The following SLC14A2 variants were observed in gnomAD, a reference collection of about 807,000 sequenced individuals.
SLC14A2 encodes the protein urea transporter 2.
SLC14A2 carries 91 observed loss-of-function variants against 104.6 expected under a neutral mutation model. That is an observed-to-expected ratio of 0.87 (90% confidence interval 0.73 to 1.04). The LOEUF is 1.04. SLC14A2 is among the 50% of genes least tolerant of loss of function. The probability of loss-of-function intolerance (pLI) is 0.00; values close to 1 mark genes in which losing one functional copy is unlikely to be tolerated. For synonymous variants in SLC14A2, 476 were observed against 466.4 expected (o/e 1.02, Z -0.27); for missense variants, 1,189 against 1,156.0 (o/e 1.03, Z -0.41).
intron 1 of SLC14A2, among the ~76,000 whole-genome samples, chr18:45,259,676 G>A (rs1405811027): frequency 6.6e-6 from 1 of 152,112 alleles, no homozygotes; most frequent in African/African-American, 2.4e-5. Flanking sequence ...GGCACTGAAG[G>A]AGCACTGCAC....
chr18:45,405,594 C>T (rs932669661), intron 1 of SLC14A2, among the ~76,000 whole-genome samples: 1 of 152,138 alleles, frequency 6.6e-6, no homozygotes, highest in African/African-American at 2.4e-5. Flanking sequence ...TTTAAAAATA[C>T]TTTATTGCTA....
intron 2 of SLC14A2, among the ~76,000 whole-genome samples, chr18:45,542,042 T>G (rs952479674): frequency 1.9e-5 from 2 of 105,768 alleles, no homozygotes; most frequent in South Asian, 3.5e-4. Flanking sequence ...AGGGTTTTTT[T>G]TTTTTTTTTT....
rs376045920 is a variant in SLC14A2, at chr18:45,682,503, C to A, written c.2747C>A (p.Ala916Asp). 57 of 1,613,732 alleles carry A rather than the reference C, an allele frequency of 3.5e-5. No individual in the cohort carries two copies. Among genetic ancestry groups the A allele is most frequent in the Non-Finnish European group, 4.4e-5 (52 of 1,179,732 alleles). Reference sequence around the variant, plus strand: ...GCATCAATCATAACAAAGTATCAGGCCTACGATGTCTCCTAAGTTTCCCTG... The same window carrying A: ...GCATCAATCATAACAAAGTATCAGGACTACGATGTCTCCTAAGTTTCCCTG... ...RRASIITKYQ[A>D]YDVS The change falls in exon 20 of 20, where the codon GCC becomes GAC. Residue 916 changes from alanine to aspartate, a missense_variant. By Grantham distance (126) the Ala-to-Asp change is moderately radical. Coordinates refer to ENST00000255226, the MANE Select transcript of SLC14A2 (RefSeq NM_007163.4).
At chr18:45,201,647 T>C in the SLC14A2 span, among the ~76,000 whole-genome samples, 1 of 152,012 alleles carries the variant, frequency 6.6e-6, no homozygotes, top group Non-Finnish European at 1.5e-5. Context: ...TGTTTCAGCC[T>C]TAGAATCAGC....
At chr18:45,624,939 A>T in intron 2 of SLC14A2, 125 bp downstream of exon 2, 1 of 932,750 alleles carries the variant, frequency 1.1e-6, no homozygotes, top group Non-Finnish European at 1.6e-6. Flanking sequence ...CTGTCAGTAC[A>T]TGGTGACACC....
chr18:45,653,035 T>C (rs1411214081), intron 10 of SLC14A2, among the ~76,000 whole-genome samples: 1 of 151,706 alleles, frequency 6.6e-6, no homozygotes, highest in Non-Finnish European at 1.5e-5. Context: ...TCTCAAGAAG[T>C]TCAGGAGCCC....
intron 4 of SLC14A2, 49 bp downstream of exon 4, chr18:45,627,196 T>C (rs1555715228): frequency 1.3e-6 from 2 of 1,536,552 alleles, no homozygotes; most frequent in Admixed American, 3.4e-5. Context: ...GAACAGAAAG[T>C]AGAGAGGTGT....
At chr18:45,321,247 C>G (rs189518761) in intron 1 of SLC14A2, among the ~76,000 whole-genome samples, 2 of 152,162 alleles carry the variant, frequency 1.3e-5, no homozygotes, top group African/African-American at 4.8e-5. Context: ...AAGATTACTA[C>G]GGGATTATTA....
At chr18:45,586,874 A>G (rs1193903733) in intron 2 of SLC14A2, among the ~76,000 whole-genome samples, 1 of 152,200 alleles carries the variant, frequency 6.6e-6, no homozygotes, top group Non-Finnish European at 1.5e-5. Flanking sequence ...CAGTGGAGAT[A>G]AAATGCCAAC....
chr18:45,453,436 G>A (rs965055018), intron 1 of SLC14A2, among the ~76,000 whole-genome samples: 2 of 152,078 alleles, frequency 1.3e-5, no homozygotes, highest in Non-Finnish European at 2.9e-5. Flanking sequence ...AAAAATTAAT[G>A]TCAAAAATTT....
intron 1 of SLC14A2, among the ~76,000 whole-genome samples, chr18:45,304,630 A>T (rs1477850552): frequency 6.6e-6 from 1 of 152,232 alleles, no homozygotes; most frequent in African/African-American, 2.4e-5. Context: ...TTGGGAAGGG[A>T]GTGATCATTC....
intron 1 of SLC14A2, among the ~76,000 whole-genome samples, chr18:45,329,487 T>G (rs545696115): frequency 3.3e-5 from 5 of 152,338 alleles, no homozygotes; most frequent in Admixed American, 2.6e-4. Flanking sequence ...AGCTTCCATT[T>G]AGAAATGTGC....
chr18:45,571,864 T>C (rs1250798899), intron 2 of SLC14A2, among the ~76,000 whole-genome samples: 1 of 150,492 alleles, frequency 6.6e-6, no homozygotes, highest in Non-Finnish European at 1.5e-5. Flanking sequence ...TATGGGTTGA[T>C]TGATAGGGTT....
At chr18:45,463,278 G>A (rs1252677340) in intron 1 of SLC14A2, among the ~76,000 whole-genome samples, 2 of 152,222 alleles carry the variant, frequency 1.3e-5, no homozygotes, top group African/African-American at 2.4e-5. Flanking sequence ...GCAGTGATAA[G>A]CTTTGTCATT....
intron 2 of SLC14A2, among the ~76,000 whole-genome samples, chr18:45,502,995 CAAG>C (rs1225976087): frequency 6.6e-6 from 1 of 151,702 alleles, no homozygotes; most frequent in Non-Finnish European, 1.5e-5. Context: ...AAATTTATCA[CAAG>C]AAGAAGGCAT....
At chr18:45,567,873 C>G (rs956959720) in intron 2 of SLC14A2, among the ~76,000 whole-genome samples, 3 of 152,188 alleles carry the variant, frequency 2.0e-5, no homozygotes, top group Admixed American at 2.0e-4. Context: ...ACCCCAGGAT[C>G]TTTCAGGAGA....
chr18:45,625,928 G>T, intron 3 of SLC14A2, 65 bp downstream of exon 3: 1 of 1,250,076 alleles, frequency 8.0e-7, no homozygotes, highest in Non-Finnish European at 1.0e-6. Flanking sequence ...CCCTCTCTCC[G>T]GTTTGGTCCA....
upstream of SLC14A2, among the ~76,000 whole-genome samples, chr18:45,613,787 A>G (rs1468269176): frequency 6.6e-6 from 1 of 152,214 alleles, no homozygotes; most frequent in Non-Finnish European, 1.5e-5. Flanking sequence ...AAAGGATTCA[A>G]TTTTATGCAT....
intron 1 of SLC14A2, among the ~76,000 whole-genome samples, chr18:45,437,832 C>T (rs1345854511): frequency 2.6e-5 from 4 of 152,318 alleles, no homozygotes; most frequent in South Asian, 2.1e-4. Flanking sequence ...GGATAATTAA[C>T]TTCTTGGCAG....
Sources: gnomAD v4.1 joint callset for allele counts (sites outside exome capture counted in the v4.1 genomes callset) on GRCh38, gnomAD v4.1.1 for gene constraint, MANE v1.5 for transcripts, NCBI Gene and HGNC (gene_info 2026-07-23, HGNC 2026-07-21) for gene names.